The following BBOF1 variants were observed in gnomAD, a reference collection of about 807,000 sequenced individuals.
The protein encoded by BBOF1 is basal body orientation factor 1.
In BBOF1, 62 loss-of-function variants were observed where a neutral mutation model predicts 68.0. The ratio of observed to expected loss-of-function variants is 0.91; its 90% confidence interval spans 0.74 to 1.13. The LOEUF is 1.13. BBOF1 is among the 50% of genes most tolerant of loss of function. BBOF1 has a pLI of 0.00. For missense variants in BBOF1, 534 were observed against 600.1 expected (o/e 0.89, Z 1.15); for synonymous variants, 208 against 198.8 (o/e 1.05, Z -0.39).
At chr14:74,052,567 C>T (rs2060091823) in intron 8 of BBOF1, among the ~76,000 whole-genome samples, 1 of 151,992 alleles carries the variant, frequency 6.6e-6, no homozygotes, top group South Asian at 2.1e-4. Flanking sequence ...ATCACTTGAA[C>T]CTGGGTGGCA....
At chr14:74,057,321 T>G in intron 11 of BBOF1, 63 bp downstream of exon 11, 1 of 1,608,262 alleles carries the variant, frequency 6.2e-7, no homozygotes, top group South Asian at 1.1e-5. Flanking sequence ...TGTCGCTTCT[T>G]GCTAAATCAC....
intron 11 of BBOF1, among the ~76,000 whole-genome samples, chr14:74,061,957 A>C (rs2060350883): frequency 6.7e-6 from 1 of 150,314 alleles, no homozygotes. Flanking sequence ...CACTTGTAAT[A>C]TCAGCACTTT....
At chr14:74,068,511 C>T (rs963078339), downstream of BBOF1, among the ~76,000 whole-genome samples, 3 of 151,990 alleles carry the variant, frequency 2.0e-5, no homozygotes, top group Non-Finnish European at 4.4e-5. Context: ...GAGGCCGAGG[C>T]GGGCAGATCA....
At chr14:74,046,151 T>C in intron 6 of BBOF1, 21 bp downstream of exon 6, 1 of 1,579,960 alleles carries the variant, frequency 6.3e-7, no homozygotes, top group Non-Finnish European at 8.6e-7. Context: ...GCTGCCTACT[T>C]TCTGACTCTG....
At chr14:74,049,111 T>G (rs1364630286) in intron 7 of BBOF1, among the ~76,000 whole-genome samples, 1 of 152,056 alleles carries the variant, frequency 6.6e-6, no homozygotes, top group African/African-American at 2.4e-5. Flanking sequence ...TGACCTCAGG[T>G]GATCCACCCA....
chr14:74,029,227 C>T lies in BBOF1; in HGVS notation c.329C>T (p.Ala110Val). 4 of 1,561,352 alleles carry T rather than the reference C, an allele frequency of 2.6e-6. No individual in the cohort carries two copies. The highest frequency in any genetic ancestry group is 3.5e-6 in the Non-Finnish European group (4 of 1,150,484). The change falls in exon 3 of 12, where the codon GCC becomes GTC. Residue 110 changes from alanine (A) to valine (V), a missense_variant. Ala to Val is a moderately conservative substitution (Grantham distance 64). Coordinates refer to ENST00000394009, the MANE Select transcript of BBOF1 (RefSeq NM_025057.3). ...CAATTAAATGAAACAAAGGAAAAAGCCCAAGAGGAGAAGGATAAATTGGTG... is the reference window on the plus strand; with the variant it reads ...CAATTAAATGAAACAAAGGAAAAAGTCCAAGAGGAGAAGGATAAATTGGTG... ...KQQLNETKEK[A>V]QEEKDKLEQK...
At chr14:74,071,295 T>C (rs904937692) in intron 9 of BBOF1, 2 of 1,614,144 alleles carry the variant, frequency 1.2e-6, no homozygotes, top group Admixed American at 1.7e-5. Flanking sequence ...CTCGCTCAGA[T>C]GGTTTCATTA....
chr14:74,029,131 A>G, intron 2 of BBOF1, 53 bp from the exon 3 acceptor site: 1 of 1,103,770 alleles, frequency 9.1e-7, no homozygotes. Flanking sequence ...TAATAAAGGT[A>G]GACATAGAGC....
intron 3 of BBOF1, among the ~76,000 whole-genome samples, chr14:74,030,518 T>C (rs991790676): frequency 1.5e-4 from 23 of 152,002 alleles, no homozygotes; most frequent in African/African-American, 4.8e-4. Flanking sequence ...TTTTTTTAGA[T>C]GGAGTCTCGC....
intron 9 of BBOF1, chr14:74,072,431 G>T: frequency 6.2e-7 from 1 of 1,613,604 alleles, no homozygotes; most frequent in Non-Finnish European, 8.5e-7. Context: ...TCCAGTCACA[G>T]AAGTGGCACT....
intron 3 of BBOF1, among the ~76,000 whole-genome samples, chr14:74,030,688 G>T (rs2059545129): frequency 6.6e-6 from 1 of 151,852 alleles, no homozygotes; most frequent in Non-Finnish European, 1.5e-5. Context: ...GTAGAGACGG[G>T]ATTTCACTGT....
Position 74,065,532 on chromosome 14 carries a change from T to C in BBOF1, c.*833T>C. The C allele has an allele frequency of 1.5e-6, 1 of 647,090 alleles. No individual in the cohort carries two copies. Among genetic ancestry groups the C allele is most frequent in the Non-Finnish European group, 2.7e-6 (1 of 374,524 alleles). 40.1% of individuals were successfully genotyped at this position (647,090 alleles called of 1,614,324 possible). On this transcript the variant is annotated 3_prime_UTR_variant, in exon 12 of 12. Transcript: ENST00000394009. The stretch of plus-strand genomic sequence containing the variant: ...AAAAAAAAGTCCTCTCTCAAGTGTA[T>C]TCCGTCTTCCAAGTTACCAATCATA...
chr14:74,080,283 C>G (rs1305905405), intron 10 of BBOF1, among the ~76,000 whole-genome samples: 1 of 152,074 alleles, frequency 6.6e-6, no homozygotes, highest in Non-Finnish European at 1.5e-5. Flanking sequence ...CTGCCATTAT[C>G]CCAGTCTATA....
intron 1 of BBOF1, among the ~76,000 whole-genome samples, chr14:74,022,181 T>A (rs2059317257): frequency 6.6e-6 from 1 of 151,500 alleles, no homozygotes; most frequent in African/African-American, 2.4e-5. Flanking sequence ...GAGACCAGCA[T>A]AGGCAACATA....
intron 4 of BBOF1, among the ~76,000 whole-genome samples, chr14:74,040,138 G>A (rs560031614): frequency 4.6e-5 from 7 of 152,088 alleles, no homozygotes; most frequent in Non-Finnish European, 8.8e-5. Flanking sequence ...AACTACAGGT[G>A]TGCACCACCA....
At chr14:74,049,030 G>A (rs144643578) in intron 7 of BBOF1, among the ~76,000 whole-genome samples, 4 of 152,052 alleles carry the variant, frequency 2.6e-5, no homozygotes, top group East Asian at 1.9e-4. Context: ...GCACCACCAC[G>A]GCCAGCTAAT....
chr14:74,045,775 A>G (rs1453722321), intron 5 of BBOF1, among the ~76,000 whole-genome samples: 1 of 152,216 alleles, frequency 6.6e-6, no homozygotes, highest in African/African-American at 2.4e-5. Flanking sequence ...CTCTCATTTC[A>G]GTGCATTTAG....
chr14:74,071,538 T>A lies in BBOF1; in HGVS notation n.1380-6658T>A, dbSNP rs530294210. ...CAGGCCATCAGCTCTCCACACTGTGTACTAGTTAGCTTTGTCCTGTTCTCT... is the reference window on the plus strand; with the variant it reads ...CAGGCCATCAGCTCTCCACACTGTGAACTAGTTAGCTTTGTCCTGTTCTCT... On this transcript the variant is annotated intron_variant and non_coding_transcript_variant, in intron 9 of 12. Transcript: ENST00000492026. The A allele has an allele frequency of 1.6e-5, 25 of 1,612,570 alleles. 1 individual carries two copies. The African/African-American group carries it at 1.6e-4, about 10-fold the overall frequency.
chr14:74,079,434 T>A (rs2060648744), intron 10 of BBOF1, among the ~76,000 whole-genome samples: 1 of 151,234 alleles, frequency 6.6e-6, no homozygotes, highest in African/African-American at 2.4e-5. Flanking sequence ...TTATTGTTTT[T>A]TTTTTTTTTC....
Sources: allele counts gnomAD v4.1 joint callset (sites outside exome capture counted in the v4.1 genomes callset), GRCh38; gene constraint gnomAD v4.1.1; transcripts MANE v1.5; gene names NCBI Gene and HGNC (gene_info 2026-07-23, HGNC 2026-07-21).